The following WIF1 variants were observed in gnomAD, a reference collection of about 807,000 sequenced individuals.
WIF1 encodes Wnt inhibitory factor 1.
In WIF1, 35 loss-of-function variants were observed where a neutral mutation model predicts 53.5. That is an observed-to-expected ratio of 0.65 (90% confidence interval 0.50 to 0.87). WIF1 has a LOEUF of 0.87. Among genes scored for constraint, WIF1 ranks in the 40% least tolerant of loss-of-function variants. The probability of loss-of-function intolerance (pLI) is 0.00; values close to 1 mark genes in which losing one functional copy is unlikely to be tolerated. For synonymous variants in WIF1, 171 were observed against 170.4 expected, an observed-to-expected ratio of 1.00 and a Z score of -0.03; for missense variants, 467 against 476.8, an observed-to-expected ratio of 0.98 and a Z score of 0.19.
intron 2 of WIF1, among the ~76,000 whole-genome samples, chr12:65,098,656 C>CTG (rs113954429): frequency 0.16 from 23,792 of 150,758 alleles, 2,460 homozygotes; most frequent in African/African-American, 0.29. Flanking sequence ...ACATTAAAGT[C>CTG]TGTGTGTGTG....
intron 2 of WIF1, among the ~76,000 whole-genome samples, chr12:65,100,260 C>A (rs1267442204): frequency 6.6e-6 from 1 of 152,024 alleles, no homozygotes; most frequent in Non-Finnish European, 1.5e-5. Context: ...TATAGTCATG[C>A]CCATGCAAAG....
Position 65,051,197 on chromosome 12 carries a change from G to A in WIF1, c.*152C>T. On this transcript the variant is annotated 3_prime_UTR_variant, in exon 10 of 10. Coordinates refer to ENST00000286574, the MANE Select transcript of WIF1 (RefSeq NM_007191.5). Reference sequence around the variant, plus strand: ...ACGTACTTAGAAAACTTAAAAGGAAGAGTAAATATCAGCTCAGTGATTTAT... The same window carrying A: ...ACGTACTTAGAAAACTTAAAAGGAAAAGTAAATATCAGCTCAGTGATTTAT... The A allele has an allele frequency of 2.0e-6, 2 of 978,414 alleles. No individual in the cohort carries two copies. Among genetic ancestry groups the A allele is most frequent in the Non-Finnish European group, 2.8e-6 (2 of 711,414 alleles). The allele number at this position is 978,414 out of a possible 1,614,324, so 60.6% of individuals were successfully genotyped here.
chr12:65,053,101 T>C (rs1434207053), intron 9 of WIF1, among the ~76,000 whole-genome samples: 5 of 152,214 alleles, frequency 3.3e-5, no homozygotes, highest in African/African-American at 1.2e-4. Flanking sequence ...AAAATGGCAC[T>C]AGAAATATTG....
At chr12:65,062,436 C>A (rs763577779) in intron 7 of WIF1, 45 bp downstream of exon 7, 3 of 1,539,480 alleles carry the variant, frequency 1.9e-6, no homozygotes, top group Non-Finnish European at 2.7e-6. Context: ...TATGGGGTTT[C>A]TAAGGTCTCC....
In WIF1 at chr12:65,074,699, T is replaced by C. The variant is rs1056049355; in HGVS notation, c.397+3047A>G. Among the ~76,000 whole-genome samples, 4 of 149,536 alleles carry C rather than the reference T, an allele frequency of 2.7e-5. No homozygotes were observed. In the Admixed American group the frequency reaches 2.7e-4, roughly 10 times the overall value. ...CAGGCATGGTGGCATGCTCCTATAA[T>C]CCCAGCTACTCAGGAGGCTGAGGTG... On this transcript the variant is annotated intron_variant, in intron 3 of 9. Coordinates refer to ENST00000286574, the MANE Select transcript of WIF1 (RefSeq NM_007191.5).
At chr12:65,088,436 G>A (rs981499567) in intron 2 of WIF1, among the ~76,000 whole-genome samples, 14 of 152,072 alleles carry the variant, frequency 9.2e-5, no homozygotes, top group Non-Finnish European at 1.6e-4. Context: ...GCACATGTAA[G>A]TATACTAATG....
chr12:65,072,411 G>A (rs1882798150), intron 3 of WIF1, among the ~76,000 whole-genome samples: 1 of 152,060 alleles, frequency 6.6e-6, no homozygotes, highest in African/African-American at 2.4e-5. Context: ...TTATTTCATT[G>A]TGGTGTAGTG....
chr12:65,094,106 G>T (rs566893613), intron 2 of WIF1, among the ~76,000 whole-genome samples: 2 of 152,070 alleles, frequency 1.3e-5, no homozygotes, highest in Non-Finnish European at 2.9e-5. Flanking sequence ...TTTCTTAAAA[G>T]GCTATGAAAC....
At chr12:65,085,591 A>G (rs1171411992) in intron 2 of WIF1, among the ~76,000 whole-genome samples, 2 of 152,216 alleles carry the variant, frequency 1.3e-5, no homozygotes, top group Non-Finnish European at 2.9e-5. Context: ...CTTCTCATGC[A>G]GCGTAGCTAT....
chr12:65,120,402 T>C lies in WIF1; in HGVS notation c.288+15A>G. On this transcript the variant is annotated intron_variant, in intron 2 of 9. Coordinates refer to ENST00000286574, the MANE Select transcript of WIF1 (RefSeq NM_007191.5). Reference sequence around the variant, plus strand: ...GGCAGTGGAAATATTAAAGGGTAATTTTCTCAGAACTTACCTGCCCTGCAG... The same window carrying C: ...GGCAGTGGAAATATTAAAGGGTAATCTTCTCAGAACTTACCTGCCCTGCAG... 6.2e-7 allele frequency: 1 copy of C among 1,611,112 alleles called. No individual in the cohort carries two copies. The highest frequency in any genetic ancestry group is 8.5e-7 in the Non-Finnish European group (1 of 1,178,810).
chr12:65,055,832 A>T (rs1445581732), intron 8 of WIF1, among the ~76,000 whole-genome samples, 199 bp downstream of exon 8: 1 of 152,234 alleles, frequency 6.6e-6, no homozygotes, highest in Non-Finnish European at 1.5e-5. Context: ...GTTCAGTTGC[A>T]TGTGTGAGTA....
intron 7 of WIF1, among the ~76,000 whole-genome samples, chr12:65,057,787 A>G (rs756663034): frequency 6.6e-6 from 1 of 152,178 alleles, no homozygotes; most frequent in Non-Finnish European, 1.5e-5. Context: ...CAACCCCCAT[A>G]TATTTTACTG....
At chr12:65,063,777 A>T (rs1882648497) in intron 6 of WIF1, among the ~76,000 whole-genome samples, 1 of 151,244 alleles carries the variant, frequency 6.6e-6, no homozygotes, top group Admixed American at 6.6e-5. Context: ...GCAGTGGCAC[A>T]ATCATAGCTC....
intron 2 of WIF1, among the ~76,000 whole-genome samples, chr12:65,093,375 T>A (rs568340703): frequency 6.6e-6 from 1 of 152,310 alleles, no homozygotes; most frequent in South Asian, 2.1e-4. Flanking sequence ...TAGTCTGTTT[T>A]TTTTGTTTGT....
chr12:65,055,277 T>A, intron 8 of WIF1, 64 bp from the exon 9 acceptor site: 1 of 1,532,654 alleles, frequency 6.5e-7, no homozygotes, highest in Non-Finnish European at 8.8e-7. Flanking sequence ...AATTACATAG[T>A]TGCTTTCCTT....
intron 2 of WIF1, among the ~76,000 whole-genome samples, chr12:65,117,572 G>T (rs2173456): frequency 6.6e-6 from 1 of 152,018 alleles, no homozygotes; most frequent in Non-Finnish European, 1.5e-5. Context: ...GGATGCTTCA[G>T]GCACATCATA....
At chr12:65,107,509 A>G (rs951987887) in intron 2 of WIF1, among the ~76,000 whole-genome samples, 2 of 152,164 alleles carry the variant, frequency 1.3e-5, no homozygotes, top group Non-Finnish European at 2.9e-5. Context: ...AACCCCAGCT[A>G]CTCAGGAGGC....
At chr12:65,053,418 A>G (rs1395306939) in intron 9 of WIF1, among the ~76,000 whole-genome samples, 1 of 152,178 alleles carries the variant, frequency 6.6e-6, no homozygotes, top group African/African-American at 2.4e-5. Context: ...TAATTGAATC[A>G]TGGGGCTGGT....
chr12:65,107,626 T>G (rs1329447595), intron 2 of WIF1, among the ~76,000 whole-genome samples: 1 of 152,168 alleles, frequency 6.6e-6, no homozygotes, highest in East Asian at 1.9e-4. Flanking sequence ...TCTAAAAAAT[T>G]AAAAGTTAAA....
Sources: allele counts gnomAD v4.1 joint callset (sites outside exome capture counted in the v4.1 genomes callset), GRCh38; gene constraint gnomAD v4.1.1; transcripts MANE v1.5; gene names NCBI Gene and HGNC (gene_info 2026-07-23, HGNC 2026-07-21).